EHMT1: variants seen among roughly 807,000 people sequenced by gnomAD.
The protein encoded by EHMT1 is histone-lysine N-methyltransferase EHMT1.
A neutral mutation model predicts 147.2 loss-of-function variants in EHMT1; 15 were observed. The observed-to-expected ratio is 0.10, with a 90% confidence interval of 0.07 to 0.16. The LOEUF (loss-of-function observed/expected upper bound fraction) is 0.16. Among genes scored for constraint, EHMT1 ranks in the 10% least tolerant of loss-of-function variants. EHMT1 has a pLI of 1.00. For missense variants in EHMT1, 1,587 were observed against 1,772.4 expected, an observed-to-expected ratio of 0.90 and a Z score of 1.88; for synonymous variants, 795 against 709.6, an observed-to-expected ratio of 1.12 and a Z score of -1.91.
Position 137,828,076 on chromosome 9 carries a change from G to A in EHMT1, c.3541-6273G>A, listed in dbSNP as rs550643246. ...CTGCCATCGTGGGAGGGACGTGGAC[G>A]AACGGCACGCAGTGGGAGGCCATGG... On this transcript the variant is annotated intron_variant, in intron 25 of 26. Transcript: ENST00000460843. This position sits in a 1 kb window ranked among gnomAD's most constrained non-coding sequence, Gnocchi z 5.3. 1.2e-4 allele frequency among the ~76,000 whole-genome samples: 18 copies of A among 152,284 alleles called. No homozygotes were observed. In the South Asian group the frequency reaches 3.5e-3, roughly 30 times the overall value.
intron 5 of EHMT1, 100 bp from the exon 6 acceptor site, chr9:137,743,802 C>T (rs1221463633): frequency 7.1e-7 from 1 of 1,405,790 alleles, no homozygotes; most frequent in Non-Finnish European, 9.6e-7. Flanking sequence ...TCCCCACAGG[C>T]CCTTGCACCT....
chr9:137,744,183 C>A (rs1948354965), intron 6 of EHMT1, 93 bp downstream of exon 6: 2 of 1,356,994 alleles, frequency 1.5e-6, no homozygotes, highest in Non-Finnish European at 2.1e-6. Context: ...ACTTCTAGAC[C>A]CTGATAAAAT....
At chr9:137,802,997 G>A in intron 18 of EHMT1, 1 of 1,231,964 alleles carries the variant, frequency 8.1e-7, no homozygotes, top group East Asian at 3.2e-5. Flanking sequence ...GAACAAGGCA[G>A]AGGCCACCCC....
Position 137,836,001 on chromosome 9 carries a change from C to T in EHMT1, c.*1048C>T, listed in dbSNP as rs930941985. 1.3e-5 allele frequency: 2 copies of T among 152,484 alleles called. No individual in the cohort carries two copies. Among genetic ancestry groups the T allele is most frequent in the Non-Finnish European group, 2.9e-5 (2 of 68,026 alleles). The allele number at this position is 152,484 out of a possible 1,614,324, so 9.4% of individuals were successfully genotyped here. On this transcript the variant is annotated 3_prime_UTR_variant, in exon 27 of 27. Transcript: ENST00000460843. ...TTTGTGCAACTCTTCTAAAAACATT[C>T]ATAATGCAGTCATGTTTATTTTTTT...
At chr9:137,796,503 G>C (rs1478661477) in intron 16 of EHMT1, among the ~76,000 whole-genome samples, 1 of 151,922 alleles carries the variant, frequency 6.6e-6, no homozygotes, top group African/African-American at 2.4e-5. Flanking sequence ...AGGAGATCGA[G>C]GCCATCCTGG....
rs1239854317 is a variant in EHMT1, at chr9:137,788,151, G to A, written c.2383-2697G>A. On this transcript the variant is annotated intron_variant, in intron 15 of 26. Transcript: ENST00000460843. ...GGAGGGCAGGGGTGGGGTGGTCACT[G>A]CCTTCTCCCCACTGCACCCCGTACC... The A allele has an allele frequency of 1.2e-5, 12 of 978,144 alleles. 1 individual carries two copies. The highest frequency in any genetic ancestry group is 2.7e-5 in the East Asian group (1 of 37,462). 60.6% of individuals were successfully genotyped at this position (978,144 alleles called of 1,614,324 possible). A position where few individuals can be genotyped will look rare whatever the true frequency, so the allele number is the denominator to read the frequency against.
chr9:137,743,197 G>A, intron 4 of EHMT1, 174 bp from the exon 5 acceptor site: 1 of 671,760 alleles, frequency 1.5e-6, no homozygotes, highest in South Asian at 1.9e-5. Context: ...TTGATCGTGA[G>A]GGAAGGATGC....
chr9:137,814,867 A>C lies in EHMT1; in HGVS notation c.3258+359A>C, dbSNP rs527263087. 1.8e-5 allele frequency: 8 copies of C among 432,602 alleles called. No homozygotes were observed. The Admixed American group carries it at 2.5e-4, about 13-fold the overall frequency. 26.8% of individuals were successfully genotyped at this position (432,602 alleles called of 1,614,324 possible). ...CTTGCTGAGTGTGAGGGGTGTGAAG[A>C]GGGAGGGTGCTGCCGGGCTGGGTAC... On this transcript the variant is annotated intron_variant, in intron 22 of 26. Coordinates refer to ENST00000460843, the MANE Select transcript of EHMT1 (RefSeq NM_024757.5).
chr9:137,817,613 G>A, intron 24 of EHMT1, 88 bp downstream of exon 24: 1 of 1,545,962 alleles, frequency 6.5e-7, no homozygotes, highest in Admixed American at 1.7e-5. Context: ...GCCCCTCTGG[G>A]AGCAGGCACA....
chr9:137,639,999 A>G (rs1461486287), intron 1 of EHMT1, among the ~76,000 whole-genome samples: 3 of 152,116 alleles, frequency 2.0e-5, no homozygotes, highest in Non-Finnish European at 4.4e-5. Context: ...CAATGGCGCG[A>G]TCTTGGCTCA....
intron 17 of EHMT1, among the ~76,000 whole-genome samples, chr9:137,799,690 G>A (rs181472059): frequency 7.2e-5 from 11 of 152,342 alleles, no homozygotes; most frequent in Admixed American, 4.6e-4. Flanking sequence ...GGCTTGGTCC[G>A]AGTCTTTTTA....
chr9:137,654,392 CA>C (rs1340239079), intron 1 of EHMT1, among the ~76,000 whole-genome samples: 43 of 128,216 alleles, frequency 3.4e-4, no homozygotes, highest in Non-Finnish European at 3.8e-4. Flanking sequence ...TCCCCCCCAC[CA>C]AAAAAAAAAG....
intron 9 of EHMT1, among the ~76,000 whole-genome samples, chr9:137,762,028 T>C (rs1949865740): frequency 6.6e-6 from 1 of 152,246 alleles, no homozygotes; most frequent in Non-Finnish European, 1.5e-5. Context: ...GCCCTGGCTG[T>C]GCTGGGACGG....
chr9:137,742,221 C>A (rs1352608800), intron 4 of EHMT1, among the ~76,000 whole-genome samples: 1 of 151,804 alleles, frequency 6.6e-6, no homozygotes, highest in Non-Finnish European at 1.5e-5. Context: ...AAGGACCTAC[C>A]CGCTTTGGAT....
chr9:137,641,303 G>C (rs955781720), intron 1 of EHMT1: 8 of 455,970 alleles, frequency 1.8e-5, no homozygotes, highest in Non-Finnish European at 3.5e-5. Flanking sequence ...TTTGAAGATG[G>C]ATCATGACTC....
chr9:137,776,101 CT>C lies in EHMT1; in HGVS notation c.1792-510del, dbSNP rs1211803380. ...CATGTCCTCCCCATCTTCAAACATC[CT>C]TTTTTTGGTTCTGCTACATCTGTTT... On this transcript the variant is annotated intron_variant, in intron 11 of 26. Transcript: ENST00000460843. This position sits in a 1 kb window ranked among gnomAD's most constrained non-coding sequence, Gnocchi z 4.4. Among the ~76,000 whole-genome samples the C allele has an allele frequency of 6.6e-6, 1 of 152,116 alleles. No individual in the cohort carries two copies. The highest frequency in any genetic ancestry group is 2.4e-5 in the African/African-American group (1 of 41,412).
chr9:137,743,453 A>G lies in EHMT1; in HGVS notation c.906A>G (p.Lys302=). 1 of 1,614,060 alleles carries G rather than the reference A, an allele frequency of 6.2e-7. No homozygotes were observed. The highest frequency in any genetic ancestry group is 8.5e-7 in the Non-Finnish European group (1 of 1,180,008). The change falls in exon 5 of 27, where the codon AAA becomes AAG. Residue 302 remains lysine, a synonymous_variant. Transcript: ENST00000460843. The stretch of plus-strand genomic sequence containing the variant: ...GAACCTATAGCCTGGTTCCTAAGAA[A>G]AAGACCAAAGTATTAAAACAGAGGA... ...RMGTYSLVPK[K]KTKVLKQRTV...
At chr9:137,644,287 C>G (rs755243091) in intron 1 of EHMT1, among the ~76,000 whole-genome samples, 1 of 151,672 alleles carries the variant, frequency 6.6e-6, no homozygotes. Flanking sequence ...TGTTTGGAAA[C>G]TGGAATTTGA....
Position 137,757,963 on chromosome 9 carries a change from G to C in EHMT1, c.1453G>C (p.Asp485His). Residue 485 changes from aspartate (D) to histidine (H), a missense_variant, in exon 9 of 27, where the codon GAC becomes CAC. Asp to His is a moderately conservative substitution (Grantham distance 81). Around this residue, in one of 7 missense-constraint regions of EHMT1, gnomAD observed 810 missense variants for 673.0 expected, o/e 1.20. Coordinates refer to ENST00000460843, the MANE Select transcript of EHMT1 (RefSeq NM_024757.5). ...DSTGYMEVSLDSLDLRVKGIL... is the reference protein window; with the variant it reads ...DSTGYMEVSLHSLDLRVKGIL... ...CACAGGGTACATGGAAGTTTCTCTG[G>C]ACTCCCTGGATCTCCGAGTCAAAGG... The C allele has an allele frequency of 6.2e-7, 1 of 1,614,096 alleles. No individual in the cohort carries two copies. The highest frequency in any genetic ancestry group is 8.5e-7 in the Non-Finnish European group (1 of 1,180,016).
Sources: gnomAD v4.1 joint callset for allele counts (sites outside exome capture counted in the v4.1 genomes callset) on GRCh38, gnomAD v4.1.1 for gene constraint, gnomAD v4.1.1 regional missense constraint, Gnocchi (gnomAD v3.1) non-coding constraint, MANE v1.5 for transcripts, NCBI Gene and HGNC (gene_info 2026-07-23, HGNC 2026-07-21) for gene names.